Variants in GPC6 observed in about 807,000 individuals in gnomAD.
GPC6 encodes the protein glypican 6, also known as glypican-6.
A neutral mutation model predicts 55.2 loss-of-function variants in GPC6; 14 were observed. That is an observed-to-expected ratio of 0.25 (90% CI 0.17 to 0.40). The LOEUF is 0.40. GPC6 is among the 10% of genes least tolerant of loss of function. GPC6 has a pLI of 1.00. For missense variants in GPC6, 641 were observed against 708.5 expected, an observed-to-expected ratio of 0.90 and a Z score of 1.08; for synonymous variants, 278 against 259.6, an observed-to-expected ratio of 1.07 and a Z score of -0.68.
chr13:94,089,433 T>C (rs1020537112), intron 4 of GPC6, among the ~76,000 whole-genome samples: 1 of 152,208 alleles, frequency 6.6e-6, no homozygotes, highest in Non-Finnish European at 1.5e-5. Flanking sequence ...ATAGAAAGGA[T>C]TCTTACATCC....
chr13:93,461,877 C>A (rs953294122), intron 1 of GPC6, among the ~76,000 whole-genome samples: 1 of 152,158 alleles, frequency 6.6e-6, no homozygotes, highest in African/African-American at 2.4e-5. Flanking sequence ...TTCTTACATT[C>A]CCAAGGCCTG....
At chr13:94,353,165 G>T (rs1482722409) in intron 6 of GPC6, among the ~76,000 whole-genome samples, 2 of 152,024 alleles carry the variant, frequency 1.3e-5, no homozygotes, top group Non-Finnish European at 2.9e-5. Flanking sequence ...GCCCCTGTGG[G>T]TCACCTTCCA....
At chr13:93,509,805 G>C (rs1172726533) in intron 1 of GPC6, among the ~76,000 whole-genome samples, 1 of 152,134 alleles carries the variant, frequency 6.6e-6, no homozygotes, top group African/African-American at 2.4e-5. Context: ...TGAAGTGCCT[G>C]CTATTGCATT....
chr13:93,574,950 G>C (rs1876586475), intron 2 of GPC6, among the ~76,000 whole-genome samples: 2 of 152,142 alleles, frequency 1.3e-5, no homozygotes, highest in South Asian at 4.1e-4. Flanking sequence ...GACAAACCCA[G>C]GGAAGTGCTT....
intron 3 of GPC6, among the ~76,000 whole-genome samples, chr13:93,887,186 G>C (rs1417777364): frequency 6.6e-6 from 1 of 151,946 alleles, no homozygotes; most frequent in African/African-American, 2.4e-5. Context: ...AAAGTCATTT[G>C]AGTCATTAAA....
intron 4 of GPC6, among the ~76,000 whole-genome samples, chr13:94,071,824 A>T (rs920596058): frequency 2.0e-5 from 3 of 152,236 alleles, no homozygotes; most frequent in African/African-American, 7.2e-5. Context: ...TACAAATAAA[A>T]AAGTGGTAGC....
At chr13:94,088,129 A>T (rs1004138528) in intron 4 of GPC6, among the ~76,000 whole-genome samples, 2 of 152,148 alleles carry the variant, frequency 1.3e-5, no homozygotes, top group Non-Finnish European at 2.9e-5. Flanking sequence ...TCCAAATACC[A>T]GAGGCTAGCA....
At chr13:93,614,893 C>G (rs1413644883) in intron 2 of GPC6, among the ~76,000 whole-genome samples, 1 of 150,808 alleles carries the variant, frequency 6.6e-6, no homozygotes, top group African/African-American at 2.4e-5. Context: ...TTGCTCATTG[C>G]TTTTTTTTTC....
intron 1 of GPC6, among the ~76,000 whole-genome samples, chr13:93,521,449 C>G (rs1272548565): frequency 6.6e-6 from 1 of 151,972 alleles, no homozygotes; most frequent in Admixed American, 6.6e-5. Flanking sequence ...TGCTACTATT[C>G]TGGACCTATT....
At chr13:94,044,601 A>T (rs2138744215) in intron 4 of GPC6, among the ~76,000 whole-genome samples, 1 of 151,994 alleles carries the variant, frequency 6.6e-6, no homozygotes, top group East Asian at 1.9e-4. Context: ...ATGAATGTGT[A>T]TTTTTGTGTT....
intron 4 of GPC6, among the ~76,000 whole-genome samples, chr13:94,034,203 A>AAGAAGGAG (rs1883247022): frequency 2.7e-5 from 3 of 109,630 alleles, no homozygotes; most frequent in Admixed American, 2.5e-4. Flanking sequence ...GAAAGAAAGA[A>AAGAAGGAG]GGAAGGAAGG....
At chr13:93,765,311 T>TGTCTGGAAAGACAACTTTCCATATAAGC (rs1368557718) in intron 2 of GPC6, among the ~76,000 whole-genome samples, 1 of 34,084 alleles carries the variant, frequency 2.9e-5, no homozygotes, top group Non-Finnish European at 6.0e-5. Flanking sequence ...GACAACTTAT[T>TGTCTGGAAAGACAACTTTCCATATAAGC]TGGTTTAAGT....
At chr13:93,914,215 C>G (rs1042727114) in intron 3 of GPC6, among the ~76,000 whole-genome samples, 14 of 152,094 alleles carry the variant, frequency 9.2e-5, no homozygotes, top group East Asian at 3.9e-4. Context: ...ATCCCTCCCC[C>G]CTCTCCCCAC....
At chr13:93,568,016 T>A (rs1215522225) in intron 2 of GPC6, among the ~76,000 whole-genome samples, 1 of 152,152 alleles carries the variant, frequency 6.6e-6, no homozygotes, top group East Asian at 1.9e-4. Context: ...TCCTTGATAG[T>A]GCTATTTATA....
At chr13:93,651,843 T>C (rs1363714269) in intron 2 of GPC6, among the ~76,000 whole-genome samples, 4 of 152,118 alleles carry the variant, frequency 2.6e-5, no homozygotes, top group Non-Finnish European at 4.4e-5. Flanking sequence ...GGGGAGCCGT[T>C]AACAAACACC....
Position 93,227,857 on chromosome 13 carries a change from C to G in GPC6, c.160+241C>G, listed in dbSNP as rs1875856795. Among the ~76,000 whole-genome samples the G allele has an allele frequency of 6.6e-6, 1 of 152,134 alleles. No homozygotes were observed. The highest frequency in any genetic ancestry group is 2.4e-5 in the African/African-American group (1 of 41,454). On this transcript the variant is annotated intron_variant, in intron 1 of 8. Coordinates refer to ENST00000377047, the MANE Select transcript of GPC6 (RefSeq NM_005708.5). This position sits in a 1 kb window ranked among gnomAD's most constrained non-coding sequence, Gnocchi z 4.3. Reference sequence around the variant, plus strand: ...CGCGGGAGCACCCTGGCTCCCGCCTCCCGCTGCTCTCGCGCCCTTCTACCC... The same window carrying G: ...CGCGGGAGCACCCTGGCTCCCGCCTGCCGCTGCTCTCGCGCCCTTCTACCC...
the GPC6 span, among the ~76,000 whole-genome samples, chr13:93,217,904 GT>G: frequency 2.6e-5 from 4 of 151,872 alleles, no homozygotes; most frequent in African/African-American, 4.8e-5. Context: ...GCCCAAAGAT[GT>G]TTTTTTTGGA....
chr13:93,952,484 T>A (rs1381632662), intron 3 of GPC6, among the ~76,000 whole-genome samples: 1 of 152,076 alleles, frequency 6.6e-6, no homozygotes, highest in Non-Finnish European at 1.5e-5. Context: ...CTGGAAATAG[T>A]TGCCAAGAAG....
chr13:94,289,404 T>A (rs1874820329), intron 5 of GPC6, among the ~76,000 whole-genome samples: 1 of 152,138 alleles, frequency 6.6e-6, no homozygotes, highest in Non-Finnish European at 1.5e-5. Flanking sequence ...AGCTCCTTTT[T>A]TAGGAGAGTT....
Sources: allele counts gnomAD v4.1 joint callset (sites outside exome capture counted in the v4.1 genomes callset), GRCh38; gene constraint gnomAD v4.1.1; non-coding constraint Gnocchi (gnomAD v3.1); transcripts MANE v1.5; gene names NCBI Gene and HGNC (gene_info 2026-07-23, HGNC 2026-07-21).